Variants in SPECC1 observed in about 807,000 individuals in gnomAD.
The protein encoded by SPECC1 is cytospin-B.
Under a neutral mutation model 104.1 loss-of-function variants are expected in SPECC1, and 62 were observed. The observed-to-expected ratio is 0.60, with a 90% CI of 0.49 to 0.74. SPECC1 has a LOEUF of 0.74. Among genes scored for constraint, SPECC1 ranks in the 30% least tolerant of loss-of-function variants. SPECC1 has a pLI of 0.00. For missense variants in SPECC1, 1,306 were observed against 1,310.5 expected (o/e 1.00, Z 0.05); for synonymous variants, 513 against 501.6 (o/e 1.02, Z -0.30).
chr17:20,089,933 G>A (rs573428344), intron 1 of SPECC1, among the ~76,000 whole-genome samples: 67 of 152,294 alleles, frequency 4.4e-4, no homozygotes, highest in African/African-American at 1.4e-3. Context: ...AGGGAAGTCC[G>A]GGCTGAAGCT....
chr17:20,265,932 A>G (rs1008056254), intron 12 of SPECC1, among the ~76,000 whole-genome samples: 1 of 152,082 alleles, frequency 6.6e-6, no homozygotes, highest in African/African-American at 2.4e-5. Context: ...TAACTTGTGT[A>G]TGTGTCTGTT....
chr17:20,157,211 G>C (rs978536892), intron 3 of SPECC1, among the ~76,000 whole-genome samples: 1 of 152,106 alleles, frequency 6.6e-6, no homozygotes, highest in Non-Finnish European at 1.5e-5. Context: ...CAGCGCCCCA[G>C]CCGCCCCACC....
At chr17:20,081,629 A>T (rs2046977835) in intron 1 of SPECC1, among the ~76,000 whole-genome samples, 1 of 151,868 alleles carries the variant, frequency 6.6e-6, no homozygotes, top group Non-Finnish European at 1.5e-5. Flanking sequence ...AGGGCTGAGG[A>T]GAGGATGGAG....
intron 1 of SPECC1, among the ~76,000 whole-genome samples, chr17:20,023,442 C>T (rs974785784): frequency 3.3e-5 from 5 of 152,016 alleles, no homozygotes; most frequent in African/African-American, 1.2e-4. Context: ...AGCTTAATGT[C>T]TGGGTGGGGA....
chr17:20,148,965 G>T (rs935874805), intron 3 of SPECC1, among the ~76,000 whole-genome samples: 1 of 151,934 alleles, frequency 6.6e-6, no homozygotes, highest in Admixed American at 6.6e-5. Flanking sequence ...AGGCAATCCC[G>T]CCTGCCTCAG....
intron 1 of SPECC1, among the ~76,000 whole-genome samples, chr17:20,077,418 C>T (rs771824914): frequency 9.2e-5 from 14 of 152,026 alleles, no homozygotes; most frequent in African/African-American, 2.4e-4. Flanking sequence ...TCTGTTTCTA[C>T]GCCATTATCG....
In SPECC1 at chr17:20,317,734, AC is replaced by A; in HGVS notation, c.*3670del. The A allele has an allele frequency of 4.6e-6, 1 of 217,572 alleles. No individual in the cohort carries two copies. Among genetic ancestry groups the A allele is most frequent in the Middle Eastern group, 1.5e-3 (1 of 688 alleles). The allele number at this position is 217,572 out of a possible 1,614,324, so 13.5% of individuals were successfully genotyped here. ...GAGCAAGACCCTGTCACACACACAC[AC>A]AAAAAAAAGAAATACAGGTGGTGTT... On this transcript the variant is annotated 3_prime_UTR_variant, in exon 15 of 15. Coordinates refer to ENST00000395527, the MANE Select transcript of SPECC1 (RefSeq NM_001243439.2).
At chr17:20,062,157 G>A (rs898250215) in intron 1 of SPECC1, among the ~76,000 whole-genome samples, 13 of 151,542 alleles carry the variant, frequency 8.6e-5, no homozygotes, top group Non-Finnish European at 1.2e-4. Context: ...AGAGGCTGAG[G>A]CAGGAGAATG....
chr17:20,108,882 G>A (rs2048352422), intron 2 of SPECC1, among the ~76,000 whole-genome samples: 2 of 152,180 alleles, frequency 1.3e-5, no homozygotes, highest in Admixed American at 1.3e-4. Context: ...TCGACTTACT[G>A]CCTTTCAGCA....
intron 9 of SPECC1, among the ~76,000 whole-genome samples, chr17:20,248,632 T>G (rs1406478499): frequency 6.6e-6 from 1 of 152,232 alleles, no homozygotes; most frequent in Non-Finnish European, 1.5e-5. Context: ...GGAGCACTTC[T>G]TCGTATGATT....
chr17:20,170,629 A>T (rs1310481589), intron 3 of SPECC1, among the ~76,000 whole-genome samples: 1 of 152,162 alleles, frequency 6.6e-6, no homozygotes, highest in South Asian at 2.1e-4. Context: ...TCAGTCTTTC[A>T]TAAGTATTTG....
rs532786785 is a variant in SPECC1 at position 20,262,022 on chromosome 17, A to T, written c.2940+1728A>T. Among the ~76,000 whole-genome samples the T allele has an allele frequency of 3.3e-5, 5 of 152,282 alleles. No homozygotes were observed. The South Asian group carries it at 1.0e-3, about 32-fold the overall frequency. On this transcript the variant is annotated intron_variant, in intron 12 of 14. Transcript: ENST00000395527. ...ATGCATCCGTAAGTACTATGTTAGT[A>T]TTGCTTGCATTTGAATTTTATTACA...
chr17:20,211,735 C>T (rs940904923), intron 4 of SPECC1, among the ~76,000 whole-genome samples: 3 of 152,230 alleles, frequency 2.0e-5, no homozygotes, highest in Non-Finnish European at 4.4e-5. Context: ...GAAGGGTGGT[C>T]TTGCCAGTTG....
At chr17:20,183,214 A>G (rs937166325) in intron 3 of SPECC1, among the ~76,000 whole-genome samples, 1 of 152,186 alleles carries the variant, frequency 6.6e-6, no homozygotes, top group African/African-American at 2.4e-5. Flanking sequence ...AATAACTTCC[A>G]GTGGTGGTAA....
intron 3 of SPECC1, among the ~76,000 whole-genome samples, chr17:20,145,598 C>A (rs993935801): frequency 3.8e-4 from 58 of 152,174 alleles, no homozygotes; most frequent in African/African-American, 1.4e-3. Flanking sequence ...AGAACTTTCC[C>A]CAGCCTTCCT....
chr17:20,094,540 TTGTGGTGG>T (rs1567837703), intron 1 of SPECC1, among the ~76,000 whole-genome samples: 1 of 152,166 alleles, frequency 6.6e-6, no homozygotes, highest in African/African-American at 2.4e-5. Flanking sequence ...TTTTTCTCTT[TTGTGGTGG>T]TGTGGTGGTG....
At chr17:20,118,307 A>G (rs963549040) in intron 3 of SPECC1, among the ~76,000 whole-genome samples, 3 of 152,182 alleles carry the variant, frequency 2.0e-5, no homozygotes, top group Non-Finnish European at 2.9e-5. Flanking sequence ...AAGCATTTCT[A>G]TTATTTAGCA....
chr17:20,199,731 A>G (rs1290843137), intron 3 of SPECC1, among the ~76,000 whole-genome samples: 1 of 151,960 alleles, frequency 6.6e-6, no homozygotes, highest in Non-Finnish European at 1.5e-5. Flanking sequence ...ATTCTCACCA[A>G]CAGTGTACAG....
intron 12 of SPECC1, among the ~76,000 whole-genome samples, chr17:20,290,600 T>C (rs1347557816): frequency 6.6e-6 from 1 of 152,296 alleles, no homozygotes; most frequent in Non-Finnish European, 1.5e-5. Context: ...CTGAAACCTC[T>C]GCCTCCTGAG....
Sources: allele counts gnomAD v4.1 joint callset (sites outside exome capture counted in the v4.1 genomes callset), GRCh38; gene constraint gnomAD v4.1.1; transcripts MANE v1.5; gene names NCBI Gene and HGNC (gene_info 2026-07-23, HGNC 2026-07-21).